C3orf70: variants seen among roughly 807,000 people sequenced by gnomAD.
C3orf70 encodes chromosome 3 open reading frame 70, also known as UPF0524 protein C3orf70.
In C3orf70, 15 loss-of-function variants were observed where a neutral mutation model predicts 20.7. The observed-to-expected ratio is 0.72, with a 90% CI of 0.48 to 1.11. The LOEUF (loss-of-function observed/expected upper bound fraction) is 1.11. Among genes scored for constraint, C3orf70 ranks in the 50% most tolerant of loss-of-function variants. The pLI is 0.00. For missense variants in C3orf70, 332 were observed against 317.6 expected (o/e 1.05, Z -0.34); for synonymous variants, 161 against 125.7 (o/e 1.28, Z -1.88).
chr3:185,103,884 T>C (rs1018830910), intron 1 of C3orf70, among the ~76,000 whole-genome samples: 1 of 152,142 alleles, frequency 6.6e-6, no homozygotes, highest in Admixed American at 6.5e-5. Flanking sequence ...GGCATATACA[T>C]GGTGGGCTCT....
rs1392805104 is a variant in C3orf70, at chr3:185,081,133, TC to T, written c.*1873del. Reference sequence around the variant, plus strand: ...GGAGAACACAACTTTTTCTTACAAATCCGGCCGGGCGTGGTGGCTCATGCTT... The same window carrying T: ...GGAGAACACAACTTTTTCTTACAAATCGGCCGGGCGTGGTGGCTCATGCTT... On this transcript the variant is annotated 3_prime_UTR_variant, in exon 2 of 2. Coordinates refer to ENST00000335012, the MANE Select transcript of C3orf70 (RefSeq NM_001025266.3). 1 of 152,010 alleles carries T rather than the reference TC, an allele frequency of 6.6e-6. No homozygotes were observed. Among genetic ancestry groups the T allele is most frequent in the Non-Finnish European group, 1.5e-5 (1 of 68,010 alleles). The allele number at this position is 152,010 out of a possible 1,614,324, so 9.4% of individuals were successfully genotyped here. A position where few individuals can be genotyped will look rare whatever the true frequency, so the allele number is the denominator to read the frequency against.
intron 1 of C3orf70, among the ~76,000 whole-genome samples, chr3:185,098,446 A>G (rs182497146): frequency 9.2e-5 from 14 of 152,328 alleles, no homozygotes; most frequent in African/African-American, 3.1e-4. Context: ...TTAGGATTTC[A>G]TTACTTTGGT....
At chr3:185,150,468 T>A (rs1468001117) in intron 1 of C3orf70, among the ~76,000 whole-genome samples, 2 of 152,032 alleles carry the variant, frequency 1.3e-5, no homozygotes, top group African/African-American at 4.8e-5. Flanking sequence ...TAGGAAAAGA[T>A]ATCTAAGGGA....
At chr3:185,120,298 A>T (rs903668234) in intron 1 of C3orf70, among the ~76,000 whole-genome samples, 5 of 152,226 alleles carry the variant, frequency 3.3e-5, no homozygotes, top group Admixed American at 1.3e-4. Context: ...ACTGAATGCT[A>T]GCCATTCAAT....
intron 1 of C3orf70, among the ~76,000 whole-genome samples, chr3:185,145,214 C>G (rs1716832576): frequency 6.6e-6 from 1 of 152,160 alleles, no homozygotes; most frequent in Admixed American, 6.5e-5. Context: ...CATGAAAGAA[C>G]AAATTCGGAT....
Position 185,144,600 on chromosome 3 carries a change from T to A in C3orf70, c.196+8028A>T, listed in dbSNP as rs187374176. On this transcript the variant is annotated intron_variant, in intron 1 of 1. Transcript: ENST00000335012. ...AATTCTTGTGCCTCAGCCTCCCAAG[T>A]AGCTGGGATTACAGGCATGTACCAC... Among the ~76,000 whole-genome samples the A allele has an allele frequency of 3.6e-3, 547 of 152,336 alleles. 2 individuals are homozygous for A. The highest frequency in any genetic ancestry group is 0.013 in the African/African-American group (537 of 41,594).
At chr3:185,124,563 T>A (rs1039557795) in intron 1 of C3orf70, among the ~76,000 whole-genome samples, 4 of 152,144 alleles carry the variant, frequency 2.6e-5, no homozygotes, top group African/African-American at 9.7e-5. Context: ...GACGTAAACA[T>A]GAAACTTACA....
intron 1 of C3orf70, among the ~76,000 whole-genome samples, chr3:185,119,876 T>G (rs922801973): frequency 2.0e-5 from 3 of 151,620 alleles, no homozygotes; most frequent in African/African-American, 7.3e-5. Flanking sequence ...ATACAAAAAT[T>G]AGCTGGGCGT....
chr3:185,139,550 CAA>C (rs35792284), intron 1 of C3orf70, among the ~76,000 whole-genome samples: 11 of 135,698 alleles, frequency 8.1e-5, no homozygotes, highest in Admixed American at 2.2e-4. Flanking sequence ...AAGACTGTCT[CAA>C]AAAAAAAAAA....
At position 185,082,647 on chromosome 3, in the gene C3orf70, C is replaced by A; in HGVS notation, c.*360G>T. ...AAGAGTCTCTGTGAAGGACTGGCTA[C>A]CGAGAAAACACCGGCTCCTTCCCTT... On this transcript the variant is annotated 3_prime_UTR_variant, in exon 2 of 2. Transcript: ENST00000335012. The A allele has an allele frequency of 4.3e-6, 1 of 234,196 alleles. No homozygotes were observed. The allele number at this position is 234,196 out of a possible 1,614,324, so 14.5% of individuals were successfully genotyped here.
rs972149448 is a variant in C3orf70 at position 185,082,165 on chromosome 3, A to T, written c.*842T>A. On this transcript the variant is annotated 3_prime_UTR_variant, in exon 2 of 2. Coordinates refer to ENST00000335012, the MANE Select transcript of C3orf70 (RefSeq NM_001025266.3). ...AAATGCTGAAACACATTCCCCAGCT[A>T]GCCCCAGCCAAGTAAACCTCATCCT... The T allele has an allele frequency of 1.6e-4, 24 of 152,192 alleles. No individual in the cohort carries two copies. The highest frequency in any genetic ancestry group is 5.8e-4 in the African/African-American group (24 of 41,442). The allele number at this position is 152,192 out of a possible 1,614,324, so 9.4% of individuals were successfully genotyped here.
intron 1 of C3orf70, among the ~76,000 whole-genome samples, chr3:185,103,451 A>G (rs1259631902): frequency 6.6e-6 from 1 of 152,166 alleles, no homozygotes; most frequent in Non-Finnish European, 1.5e-5. Context: ...CAAACTATAC[A>G]TCTGACGAAG....
rs548786235 is a variant in C3orf70 at position 185,077,645 on chromosome 3, G to A, written c.*5362C>T. Among the ~76,000 whole-genome samples the A allele has an allele frequency of 2.6e-5, 4 of 152,088 alleles. No homozygotes were observed. The highest frequency in any genetic ancestry group is 7.2e-5 in the African/African-American group (3 of 41,454). On this transcript the variant is annotated 3_prime_UTR_variant, in exon 2 of 2. Coordinates refer to ENST00000335012, the MANE Select transcript of C3orf70 (RefSeq NM_001025266.3). Reference sequence around the variant, plus strand: ...GGCCCCTGAGTCTTGGTGACCAAGCGACCCCCCCAAGCTCTGCCGGGCAGC... The same window carrying A: ...GGCCCCTGAGTCTTGGTGACCAAGCAACCCCCCCAAGCTCTGCCGGGCAGC...
intron 1 of C3orf70, among the ~76,000 whole-genome samples, chr3:185,110,546 G>GCCC (rs1561345408): frequency 3.4e-3 from 515 of 149,582 alleles, no homozygotes; most frequent in African/African-American, 0.013. Context: ...GTTAGGAGCA[G>GCCC]GCCCCCCCTC....
chr3:185,143,981 AACAC>A (rs34762767), intron 1 of C3orf70, among the ~76,000 whole-genome samples: 2,823 of 148,440 alleles, frequency 0.019, 27 homozygotes, highest in Middle Eastern at 0.031. Flanking sequence ...TTCTATGGTA[AACAC>A]ACACACACAC....
At chr3:185,145,223 A>G (rs1716832772) in intron 1 of C3orf70, among the ~76,000 whole-genome samples, 1 of 152,230 alleles carries the variant, frequency 6.6e-6, no homozygotes, top group Non-Finnish European at 1.5e-5. Flanking sequence ...ACAAATTCGG[A>G]TGAAGTGAGG....
intron 1 of C3orf70, among the ~76,000 whole-genome samples, chr3:185,150,222 T>C (rs987235132): frequency 5.9e-5 from 9 of 152,218 alleles, no homozygotes; most frequent in African/African-American, 1.9e-4. Context: ...CATTAATGAA[T>C]TGCTATCAAC....
At chr3:185,107,102 A>C (rs1305781946) in intron 1 of C3orf70, among the ~76,000 whole-genome samples, 1 of 152,218 alleles carries the variant, frequency 6.6e-6, no homozygotes, top group Non-Finnish European at 1.5e-5. Flanking sequence ...CTATTCAGGG[A>C]AAGAAATTTA....
chr3:185,141,801 A>AACACACACACACAC (rs66562532), intron 1 of C3orf70, among the ~76,000 whole-genome samples: 290 of 146,446 alleles, frequency 2.0e-3, no homozygotes, highest in African/African-American at 6.5e-3. Flanking sequence ...ATGCAAAGGA[A>AACACACACACACAC]ACACACACAC....
Sources: gnomAD v4.1 joint callset for allele counts (sites outside exome capture counted in the v4.1 genomes callset) on GRCh38, gnomAD v4.1.1 for gene constraint, MANE v1.5 for transcripts, NCBI Gene and HGNC (gene_info 2026-07-23, HGNC 2026-07-21) for gene names.